Variants in RDX observed in about 807,000 individuals in gnomAD.
The protein encoded by RDX is deafness, autosomal recessive 24.
RDX carries 32 observed loss-of-function variants against 83.7 expected under a neutral mutation model. That is an observed-to-expected ratio of 0.38 (90% CI 0.29 to 0.51). The LOEUF is 0.51. RDX is among the 20% of genes least tolerant of loss of function. The pLI is 0.87. For synonymous variants in RDX, 229 were observed against 222.7 expected (o/e 1.03, Z -0.25); for missense variants, 600 against 689.9 (o/e 0.87, Z 1.46).
intron 10 of RDX, among the ~76,000 whole-genome samples, chr11:110,243,134 T>A (rs891830574): frequency 3.2e-4 from 48 of 152,300 alleles, no homozygotes; most frequent in Non-Finnish European, 4.0e-4. Context: ...TCAAGGGGAA[T>A]GCTTACTGAC....
chr11:110,233,890 G>A (rs1420362744), intron 12 of RDX, among the ~76,000 whole-genome samples: 2 of 152,154 alleles, frequency 1.3e-5, no homozygotes, highest in Non-Finnish European at 2.9e-5. Context: ...GAATAACGGA[G>A]GAATGAGACT....
At chr11:110,177,354 C>T (rs1862796499) in intron 15 of RDX, among the ~76,000 whole-genome samples, 3 of 152,310 alleles carry the variant, frequency 2.0e-5, no homozygotes, top group Non-Finnish European at 1.5e-5. Context: ...AATCTTGAAG[C>T]TCAGCTACTT....
chr11:110,249,687 T>C (rs779021492), intron 9 of RDX, among the ~76,000 whole-genome samples: 1 of 152,052 alleles, frequency 6.6e-6, no homozygotes. Flanking sequence ...CAGGGCAACA[T>C]AGCGAGACCT....
intron 3 of RDX, 38 bp downstream of exon 3, chr11:110,272,498 A>G (rs1165457965): frequency 1.6e-6 from 2 of 1,258,862 alleles, no homozygotes; most frequent in East Asian, 4.7e-5. Flanking sequence ...CATTCACACT[A>G]TGGTGTCAAA....
Position 110,253,931 on chromosome 11 carries a change from T to A in RDX, c.959+15A>T. On this transcript the variant is annotated intron_variant, in intron 9 of 13. Transcript: ENST00000645495. ...ACTCCTATCAATTAAAAGTGAAAGG[T>A]CATAAACCCCATACCTTTCCAACTG... is the stretch of plus-strand genomic sequence containing the variant. 2.5e-6 allele frequency: 4 copies of A among 1,612,636 alleles called. No individual in the cohort carries two copies. The highest frequency in any genetic ancestry group is 3.4e-6 in the Non-Finnish European group (4 of 1,179,304).
intron 10 of RDX, among the ~76,000 whole-genome samples, chr11:110,245,560 C>A (rs1859072950): frequency 6.6e-6 from 1 of 152,102 alleles, no homozygotes; most frequent in Admixed American, 6.6e-5. Flanking sequence ...TAGTCATATT[C>A]TAGGTTAATG....
At position 110,247,838 on chromosome 11, in the gene RDX, A is replaced by G; in HGVS notation, c.960-5T>C. 1 of 1,554,740 alleles carries G rather than the reference A, an allele frequency of 6.4e-7. No homozygotes were observed. Among genetic ancestry groups the G allele is most frequent in the Non-Finnish European group, 8.7e-7 (1 of 1,150,900 alleles). On this transcript the variant is annotated splice_region_variant and splice_polypyrimidine_tract_variant and intron_variant, in intron 9 of 13. Transcript: ENST00000645495. The stretch of plus-strand genomic sequence containing the variant: ...TTTTCATTCTCTAATTGTGCCCTTA[A>G]AAGGAATTGCAATTGCTGTTACAAA...
At chr11:110,211,055 TAA>T (rs1294148016) in intron 14 of RDX, among the ~76,000 whole-genome samples, 3 of 152,066 alleles carry the variant, frequency 2.0e-5, no homozygotes, top group African/African-American at 7.2e-5. Context: ...GCAAATTGGA[TAA>T]AGAGTCAAGA....
intron 1 of RDX, among the ~76,000 whole-genome samples, chr11:110,295,120 T>C (rs1427853899): frequency 1.3e-5 from 2 of 152,170 alleles, no homozygotes; most frequent in Admixed American, 1.3e-4. Flanking sequence ...CTCTGGAAGA[T>C]AAAGCACACT....
chr11:110,259,176 G>A (rs1026841988), intron 5 of RDX, among the ~76,000 whole-genome samples: 2 of 152,294 alleles, frequency 1.3e-5, no homozygotes, highest in Non-Finnish European at 2.9e-5. Flanking sequence ...GACCTCAAGT[G>A]ATCCACCTGC....
chr11:110,221,302 A>C (rs1253261841), intron 14 of RDX, among the ~76,000 whole-genome samples: 1 of 152,128 alleles, frequency 6.6e-6, no homozygotes, highest in Non-Finnish European at 1.5e-5. Flanking sequence ...AAAATCATTT[A>C]AGAACTAAGA....
At chr11:110,180,430 G>A (rs115377543) in intron 15 of RDX, among the ~76,000 whole-genome samples, 1,755 of 152,204 alleles carry the variant, frequency 0.012, 40 homozygotes, top group African/African-American at 0.04. Context: ...TCCAGGCCAG[G>A]AAGAAAGTGT....
At chr11:110,203,459 T>C (rs1455393990) in intron 14 of RDX, among the ~76,000 whole-genome samples, 1 of 151,182 alleles carries the variant, frequency 6.6e-6, no homozygotes, top group Non-Finnish European at 1.5e-5. Flanking sequence ...AGACCTAGTA[T>C]TTGACAGCAC....
chr11:110,180,293 T>C (rs764012905), intron 15 of RDX, among the ~76,000 whole-genome samples: 4 of 152,058 alleles, frequency 2.6e-5, no homozygotes, highest in Non-Finnish European at 4.4e-5. Flanking sequence ...TCATGCTATG[T>C]GCCAGCCAAA....
At chr11:110,265,795 T>C (rs1206213810) in intron 3 of RDX, among the ~76,000 whole-genome samples, 1 of 152,200 alleles carries the variant, frequency 6.6e-6, no homozygotes, top group Admixed American at 6.5e-5. Context: ...ACGTGCCTTC[T>C]GTGAATAAAG....
intron 2 of RDX, among the ~76,000 whole-genome samples, chr11:110,277,667 T>C (rs1204262006): frequency 6.6e-6 from 1 of 151,980 alleles, no homozygotes; most frequent in African/African-American, 2.4e-5. Flanking sequence ...GCTCAAATAT[T>C]TTGTCCACTA....
At chr11:110,283,216 C>A (rs1402250187) in intron 1 of RDX, among the ~76,000 whole-genome samples, 1 of 151,962 alleles carries the variant, frequency 6.6e-6, no homozygotes, top group East Asian at 1.9e-4. Context: ...TGCAGTGGCG[C>A]GATCTTGGCT....
At chr11:110,212,242 G>A (rs1863864560) in intron 14 of RDX, among the ~76,000 whole-genome samples, 1 of 152,168 alleles carries the variant, frequency 6.6e-6, no homozygotes, top group Admixed American at 6.5e-5. Flanking sequence ...TGGAAGAAAT[G>A]GATAAATTCC....
chr11:110,284,723 C>T (rs1860910830), intron 1 of RDX, among the ~76,000 whole-genome samples: 2 of 152,026 alleles, frequency 1.3e-5, no homozygotes, highest in South Asian at 4.2e-4. Context: ...CGGGGTTTCA[C>T]CGTGTTAGCC....
Sources: gnomAD v4.1 joint callset for allele counts (sites outside exome capture counted in the v4.1 genomes callset) on GRCh38, gnomAD v4.1.1 for gene constraint, MANE v1.5 for transcripts, NCBI Gene and HGNC (gene_info 2026-07-23, HGNC 2026-07-21) for gene names.